The following RAB37 variants were observed in gnomAD, a reference collection of about 807,000 sequenced individuals.
RAB37 encodes the protein ras-related protein Rab-37.
A neutral mutation model predicts 33.1 loss-of-function variants in RAB37; 29 were observed. The ratio of observed to expected loss-of-function variants is 0.88; its 90% CI spans 0.65 to 1.20. RAB37 has a LOEUF of 1.20. Among genes scored for constraint, RAB37 ranks in the 50% most tolerant of loss-of-function variants. The pLI is 0.00. For synonymous variants in RAB37, 128 were observed against 119.5 expected (o/e 1.07, Z -0.47); for missense variants, 299 against 301.1 (o/e 0.99, Z 0.05).
At chr17:74,719,632 C>T (rs1299735710) in intron 1 of RAB37, among the ~76,000 whole-genome samples, 2 of 152,048 alleles carry the variant, frequency 1.3e-5, no homozygotes, top group Non-Finnish European at 2.9e-5. Flanking sequence ...ATCCTCCTGC[C>T]TCAGCCTCCC....
intron 1 of RAB37, among the ~76,000 whole-genome samples, chr17:74,675,156 G>A (rs1008789527): frequency 6.6e-6 from 1 of 152,176 alleles, no homozygotes; most frequent in African/African-American, 2.4e-5. Flanking sequence ...TTCAATAAAA[G>A]TGGTTGTATT....
chr17:74,731,051 C>T (rs999109145), intron 2 of RAB37, among the ~76,000 whole-genome samples: 1 of 152,212 alleles, frequency 6.6e-6, no homozygotes, highest in Non-Finnish European at 1.5e-5. Context: ...TCAGGACAAA[C>T]CTGTTGCCTG....
intron 1 of RAB37, among the ~76,000 whole-genome samples, chr17:74,740,207 AC>A (rs2034578716): frequency 6.7e-6 from 1 of 149,914 alleles, no homozygotes; most frequent in African/African-American, 2.4e-5. Flanking sequence ...AAATGTTGTG[AC>A]ACAAAAAAAA....
Position 74,744,415 on chromosome 17 carries a change from C to G in RAB37, c.432+42C>G. The G allele has an allele frequency of 1.3e-6, 2 of 1,597,222 alleles. No individual in the cohort carries two copies. Among genetic ancestry groups the G allele is most frequent in the South Asian group, 1.1e-5 (1 of 90,696 alleles). The stretch of plus-strand genomic sequence containing the variant: ...CAGGGTCAGCCCAGCCCTGCACTTC[C>G]TCAGCCCTAGCCGGCCCCATAACCA... On this transcript the variant is annotated intron_variant, in intron 6 of 8. Coordinates refer to ENST00000392613, the MANE Select transcript of RAB37 (RefSeq NM_001006638.3). The surrounding 1 kb of genome is among the most constrained non-coding windows in gnomAD (Gnocchi z 4.2).
intron 2 of RAB37, among the ~76,000 whole-genome samples, chr17:74,732,162 C>G (rs1246672543): frequency 6.6e-6 from 1 of 152,208 alleles, no homozygotes; most frequent in Non-Finnish European, 1.5e-5. Context: ...TCGAACACTC[C>G]TTCAGCGCAC....
intron 1 of RAB37, among the ~76,000 whole-genome samples, chr17:74,694,025 G>C (rs1289557859): frequency 1.3e-5 from 2 of 152,016 alleles, no homozygotes; most frequent in African/African-American, 4.8e-5. Flanking sequence ...GCAGACACAT[G>C]CACATACACA....
Position 74,744,811 on chromosome 17 carries a change from A to G in RAB37, c.433-62A>G. ...GGCAGGCAACGCCTGCTTCTGGGGC[A>G]AAATATGGGCCCGCTGGGGCGGAGG... On this transcript the variant is annotated intron_variant, in intron 6 of 8. Coordinates refer to ENST00000392613, the MANE Select transcript of RAB37 (RefSeq NM_001006638.3). The surrounding 1 kb of genome is among the most constrained non-coding windows in gnomAD (Gnocchi z 4.2). 6.2e-7 allele frequency: 1 copy of G among 1,605,418 alleles called. No individual in the cohort carries two copies. Among genetic ancestry groups the G allele is most frequent in the South Asian group, 1.1e-5 (1 of 90,842 alleles).
upstream of RAB37, among the ~76,000 whole-genome samples, chr17:74,735,176 GAGGGAGGGAGGAAGGAAGGA>G (rs919165142): frequency 9.0e-5 from 13 of 144,402 alleles, no homozygotes; most frequent in Non-Finnish European, 1.5e-4. Context: ...GGAAGGAAGG[GAGGGAGGGAGGAAGGAAGGA>G]AGGGAGGGAG....
intron 1 of RAB37, chr17:74,704,451 C>G: frequency 6.6e-7 from 1 of 1,507,456 alleles, no homozygotes; most frequent in Non-Finnish European, 9.1e-7. Context: ...CCCTGAGAGA[C>G]ACACACATAT....
chr17:74,735,252 A>G (rs571715213), upstream of RAB37, among the ~76,000 whole-genome samples: 1 of 152,134 alleles, frequency 6.6e-6, no homozygotes, highest in Admixed American at 6.6e-5. Context: ...AAAAGACCGC[A>G]TACCAGGCCA....
At chr17:74,737,206 G>A (rs919265389), upstream of RAB37, 219 of 1,532,264 alleles carry the variant, frequency 1.4e-4, 1 homozygote, top group Admixed American at 1.0e-3. Flanking sequence ...GGGCGGGGCG[G>A]GGGTGGGGCC....
intron 1 of RAB37, among the ~76,000 whole-genome samples, chr17:74,702,466 A>T (rs1275979193): frequency 6.6e-6 from 1 of 152,222 alleles, no homozygotes; most frequent in Non-Finnish European, 1.5e-5. Flanking sequence ...AAACAAAATA[A>T]TGCACAGGAA....
chr17:74,683,076 C>T (rs2031985789), intron 1 of RAB37, among the ~76,000 whole-genome samples: 1 of 152,212 alleles, frequency 6.6e-6, no homozygotes, highest in Admixed American at 6.5e-5. Context: ...GAACTTGTCA[C>T]AGTCCCACCT....
intron 1 of RAB37, among the ~76,000 whole-genome samples, chr17:74,708,894 C>G (rs1272022322): frequency 2.9e-5 from 4 of 135,906 alleles, no homozygotes; most frequent in African/African-American, 8.4e-5. Context: ...CCAGCCTGGG[C>G]GACAGAGCAA....
At position 74,740,847 on chromosome 17, in the gene RAB37, C is replaced by A. The variant is rs772385837; in HGVS notation, c.173C>A (p.Thr58Asn). The change falls in exon 2 of 9, where the codon ACC (threonine) becomes AAC (asparagine). Residue 58 changes from threonine to asparagine, a missense_variant. Coordinates refer to ENST00000392613, the MANE Select transcript of RAB37 (RefSeq NM_001006638.3). ...QFKDGAFLSGTFIATVGIDFR... is the reference protein window; with the variant it reads ...QFKDGAFLSGNFIATVGIDFR... ...AAAGACGGGGCCTTCCTGTCCGGAA[C>A]CTTCATAGCCACCGTCGGCATAGAC... 6.8e-6 allele frequency: 11 copies of A among 1,613,972 alleles called. No individual in the cohort carries two copies. In the East Asian group the frequency reaches 1.8e-4, roughly 26 times the overall value.
intron 1 of RAB37, among the ~76,000 whole-genome samples, chr17:74,687,005 A>G (rs2032066823): frequency 6.6e-6 from 1 of 152,168 alleles, no homozygotes; most frequent in Non-Finnish European, 1.5e-5. Context: ...CTGCATGTAA[A>G]TGCCAACAAG....
In RAB37 at chr17:74,705,431, C is replaced by A. The variant is rs1287811990; in HGVS notation, c.73-23825C>A. 7.9e-6 allele frequency: 4 copies of A among 509,092 alleles called. No individual in the cohort carries two copies. In the East Asian group the frequency reaches 1.2e-4, roughly 15 times the overall value. The allele number at this position is 509,092 out of a possible 1,614,324, so 31.5% of individuals were successfully genotyped here. ...CTTTCTTTAATGAATTGCTTTGACC[C>A]CTTTGTCAAATTGCAAATTTGTGGA... On this transcript the variant is annotated intron_variant, in intron 1 of 7. Coordinates refer to the RAB37 transcript ENST00000340415.
chr17:74,737,636 C>T (rs1187909433), intron 1 of RAB37, among the ~76,000 whole-genome samples: 1 of 152,152 alleles, frequency 6.6e-6, no homozygotes, highest in Admixed American at 6.5e-5. Flanking sequence ...CAAATATGAG[C>T]CCCCGGGAGC....
At chr17:74,704,402 A>G in intron 1 of RAB37, 1 of 1,057,690 alleles carries the variant, frequency 9.5e-7, no homozygotes, top group Non-Finnish European at 1.4e-6. Context: ...TGACAATTAA[A>G]TCACTTGAGT....
Sources: allele counts gnomAD v4.1 joint callset (sites outside exome capture counted in the v4.1 genomes callset), GRCh38; gene constraint gnomAD v4.1.1; non-coding constraint Gnocchi (gnomAD v3.1); transcripts MANE v1.5; gene names NCBI Gene and HGNC (gene_info 2026-07-23, HGNC 2026-07-21).